LPA: variants seen among roughly 807,000 people sequenced by gnomAD.
LPA encodes lipoprotein(a), also known as apolipoprotein(a).
Under a neutral mutation model 197.9 loss-of-function variants are expected in LPA, and 199 were observed. The ratio of observed to expected loss-of-function variants is 1.01; its 90% confidence interval spans 0.90 to 1.13. The LOEUF is 1.13. LPA is among the 50% of genes most tolerant of loss of function. LPA has a pLI of 0.00. For missense variants in LPA, 1,853 were observed against 1,785.8 expected (o/e 1.04, Z -0.68); for synonymous variants, 715 against 639.5 (o/e 1.12, Z -1.78).
At chr6:160,660,911 G>T (rs1041532326) in intron 1 of LPA, among the ~76,000 whole-genome samples, 6 of 152,168 alleles carry the variant, frequency 3.9e-5, no homozygotes, top group Non-Finnish European at 8.8e-5. Flanking sequence ...AGAGGAAATT[G>T]TAAAAAAGCA....
rs560120016 is a variant in LPA at position 160,585,247 on chromosome 6, A to T, written c.4130-42T>A. 13 of 1,609,418 alleles carry T rather than the reference A, an allele frequency of 8.1e-6. No individual in the cohort carries two copies. The Admixed American group carries it at 1.3e-4, about 17-fold the overall frequency. Reference sequence around the variant, plus strand: ...AAATCAAGCTCAGTATTGCCTAGAAAAGGGAAATGTGAAAAAAATTATGAC... The same window carrying T: ...AAATCAAGCTCAGTATTGCCTAGAATAGGGAAATGTGAAAAAAATTATGAC... On this transcript the variant is annotated intron_variant, in intron 25 of 38. Coordinates refer to ENST00000316300, the MANE Select transcript of LPA (RefSeq NM_005577.4).
At chr6:160,651,924 A>G (rs529724805) in intron 1 of LPA, among the ~76,000 whole-genome samples, 27 of 152,188 alleles carry the variant, frequency 1.8e-4, no homozygotes, top group Non-Finnish European at 3.5e-4. Context: ...TGAGGAGTCA[A>G]TTAGACACAA....
rs113829652 is a variant in LPA, at chr6:160,567,296, C to A, written c.4632-9725G>T. On this transcript the variant is annotated intron_variant, in intron 28 of 38. Coordinates refer to ENST00000316300, the MANE Select transcript of LPA (RefSeq NM_005577.4). ...GAACAGAAATTATAACAAACTGTCT[C>A]TCAGACCACAGTGCAATCAAACTAG... Among the ~76,000 whole-genome samples, 81 of 152,338 alleles carry A rather than the reference C, an allele frequency of 5.3e-4. 2 individuals carry two copies. The highest frequency in any genetic ancestry group is 1.9e-3 in the African/African-American group (77 of 41,578).
At chr6:160,603,160 A>G (rs541507278) in intron 18 of LPA, among the ~76,000 whole-genome samples, 12 of 151,806 alleles carry the variant, frequency 7.9e-5, no homozygotes, top group African/African-American at 2.7e-4. Flanking sequence ...TCCTACCCAC[A>G]TGCAGGAAAT....
chr6:160,553,954 T>TGTGTGCGCGCGCGCGCGCGC (rs771903485), intron 30 of LPA, among the ~76,000 whole-genome samples: 1 of 130,748 alleles, frequency 7.6e-6, no homozygotes, highest in African/African-American at 3.0e-5. Context: ...TGTGTGTGTG[T>TGTGTGCGCGCGCGCGCGCGC]GCGCGCGCGC....
At chr6:160,611,256 C>A (rs186714956) in intron 16 of LPA, among the ~76,000 whole-genome samples, 1 of 152,084 alleles carries the variant, frequency 6.6e-6, no homozygotes, top group Non-Finnish European at 1.5e-5. Context: ...TCTTCATTGA[C>A]GCTTAGTGGG....
At chr6:160,562,689 C>A (rs903111910) in intron 28 of LPA, among the ~76,000 whole-genome samples, 4 of 152,006 alleles carry the variant, frequency 2.6e-5, no homozygotes, top group Admixed American at 6.6e-5. Flanking sequence ...CTGTTAATCC[C>A]TCTGGTCTGG....
At chr6:160,601,871 G>A (rs114261511) in intron 18 of LPA, among the ~76,000 whole-genome samples, 1,640 of 152,290 alleles carry the variant, frequency 0.011, 23 homozygotes, top group African/African-American at 0.037. Flanking sequence ...GGGAATGGGG[G>A]ATGAGTTGAA....
chr6:160,577,997 G>A (rs1778716178), intron 27 of LPA, among the ~76,000 whole-genome samples: 1 of 152,188 alleles, frequency 6.6e-6, no homozygotes, highest in Admixed American at 6.5e-5. Flanking sequence ...GCCTGTGAAA[G>A]ACTGAGATAG....
intron 4 of LPA, among the ~76,000 whole-genome samples, 200 bp from the exon 5 acceptor site, chr6:160,641,048 T>A (rs1365030812): frequency 7.2e-6 from 1 of 139,550 alleles, no homozygotes; most frequent in Non-Finnish European, 1.6e-5. Flanking sequence ...TAATAGATTA[T>A]TACTATTTTT....
At chr6:160,608,179 G>A (rs1258376969) in intron 16 of LPA, among the ~76,000 whole-genome samples, 3 of 152,062 alleles carry the variant, frequency 2.0e-5, no homozygotes, top group Admixed American at 2.0e-4. Context: ...CATTACATGG[G>A]CTGCAGAAAG....
At chr6:160,570,191 T>C (rs1392892667) in intron 28 of LPA, among the ~76,000 whole-genome samples, 1 of 152,186 alleles carries the variant, frequency 6.6e-6, no homozygotes, top group Admixed American at 6.5e-5. Flanking sequence ...CACACATATG[T>C]TTATTGCGGC....
chr6:160,548,121 A>G (rs1235165480), intron 31 of LPA, among the ~76,000 whole-genome samples, 184 bp from the exon 32 acceptor site: 1 of 152,180 alleles, frequency 6.6e-6, no homozygotes, highest in East Asian at 1.9e-4. Flanking sequence ...AAATTACTGG[A>G]AATGCTTATT....
At chr6:160,582,410 G>A (rs1218253191) in intron 26 of LPA, among the ~76,000 whole-genome samples, 1 of 151,482 alleles carries the variant, frequency 6.6e-6, no homozygotes, top group Non-Finnish European at 1.5e-5. Context: ...CATTGTTTCT[G>A]ATTTGATCTT....
chr6:160,567,927 C>T (rs1778488742), intron 28 of LPA, among the ~76,000 whole-genome samples: 1 of 152,166 alleles, frequency 6.6e-6, no homozygotes, highest in Non-Finnish European at 1.5e-5. Context: ...CACATACACC[C>T]TACCAAGACT....
Position 160,531,577 on chromosome 6 carries a change from C to T in LPA, c.*152G>A. On this transcript the variant is annotated 3_prime_UTR_variant, in exon 39 of 39. Transcript: ENST00000316300. ...GTCAGTCAGACCTTAAAAGCTTATACACAAAAATACCAAAAATGCCAAGGT... is the reference window on the plus strand; with the variant it reads ...GTCAGTCAGACCTTAAAAGCTTATATACAAAAATACCAAAAATGCCAAGGT... 1 of 999,746 alleles carries T rather than the reference C, an allele frequency of 1.0e-6. No individual in the cohort carries two copies. Among genetic ancestry groups the T allele is most frequent in the Non-Finnish European group, 1.5e-6 (1 of 649,778 alleles). The allele number at this position is 999,746 out of a possible 1,614,324, so 61.9% of individuals were successfully genotyped here.
chr6:160,650,238 T>G lies in LPA; in HGVS notation c.209+100A>C, dbSNP rs1405731495. ...GACATTTTGCCATGCATTCTATGTG[T>G]GAGAAAAATTTAATCATAAGAAGTT... On this transcript the variant is annotated intron_variant, in intron 2 of 38. Transcript: ENST00000316300. 5.0e-6 allele frequency: 6 copies of G among 1,190,210 alleles called. No homozygotes were observed. The Admixed American group carries it at 5.1e-5, about 10-fold the overall frequency. The allele number at this position is 1,190,210 out of a possible 1,614,324, so 73.7% of individuals were successfully genotyped here.
intron 18 of LPA, 91 bp from the exon 19 acceptor site, chr6:160,601,189 C>G: frequency 8.9e-7 from 1 of 1,123,392 alleles, no homozygotes; most frequent in Non-Finnish European, 1.4e-6. Flanking sequence ...TTACTGGTGC[C>G]TTTGAAATAT....
intron 30 of LPA, 37 bp from the exon 31 acceptor site, chr6:160,548,696 G>A (rs1000900691): frequency 6.2e-7 from 1 of 1,607,840 alleles, no homozygotes; most frequent in African/African-American, 1.3e-5. Context: ...ACAGGAGGCG[G>A]AAGAATATTC....
Sources: allele counts gnomAD v4.1 joint callset (sites outside exome capture counted in the v4.1 genomes callset), GRCh38; gene constraint gnomAD v4.1.1; transcripts MANE v1.5; gene names NCBI Gene and HGNC (gene_info 2026-07-23, HGNC 2026-07-21).